Variants in DNAH9 observed in about 807,000 individuals in gnomAD.
DNAH9 encodes the protein DNAH9 variant protein.
DNAH9 carries 345 observed loss-of-function variants against 471.6 expected under a neutral mutation model. That is an observed-to-expected ratio of 0.73 (90% confidence interval 0.67 to 0.80). The LOEUF is 0.80. Ranked by LOEUF, DNAH9 falls within the 30% of genes least tolerant of loss-of-function variation. The probability of loss-of-function intolerance (pLI) is 0.00; values close to 1 mark genes in which losing one functional copy is unlikely to be tolerated. For synonymous variants in DNAH9, 2,093 were observed against 2,123.6 expected (o/e 0.99, Z 0.40); for missense variants, 5,407 against 5,609.2 (o/e 0.96, Z 1.15).
chr17:11,762,781 T>G lies in DNAH9; in HGVS notation c.6996-659T>G, dbSNP rs1307139261. Among the ~76,000 whole-genome samples the G allele has an allele frequency of 7.7e-3, 1,007 of 131,608 alleles. 34 individuals carry two copies. The highest frequency in any genetic ancestry group is 0.026 in the African/African-American group (958 of 36,950). 86.3% of individuals were successfully genotyped at this position (131,608 alleles called of 152,430 possible). ...GCGTTTTTTTTTTTGTTTTTTTTTT[T>G]TTTTTTTTTTTTTTTTGAGATGGAG... On this transcript the variant is annotated intron_variant, in intron 35 of 68. Transcript: ENST00000262442.
chr17:11,963,534 A>G (rs1032120824), intron 68 of DNAH9, among the ~76,000 whole-genome samples: 1 of 151,622 alleles, frequency 6.6e-6, no homozygotes, highest in East Asian at 1.9e-4. Flanking sequence ...GGGGGTTAAT[A>G]AAAACTAACT....
chr17:11,693,479 A>G (rs9915278), intron 20 of DNAH9, among the ~76,000 whole-genome samples: 146,461 of 151,486 alleles, frequency 0.97, 70,861 homozygotes, highest in Non-Finnish European at 0.99. Context: ...GGCTGGTCTC[A>G]AACTCCTGGC....
At chr17:11,740,043 C>T (rs2075409433) in intron 29 of DNAH9, among the ~76,000 whole-genome samples, 3 of 152,164 alleles carry the variant, frequency 2.0e-5, no homozygotes, top group Non-Finnish European at 2.9e-5. Context: ...ATTCCCGTGT[C>T]GCTGGGGTGA....
chr17:11,620,454 G>T (rs1163636335), intron 6 of DNAH9, among the ~76,000 whole-genome samples: 2 of 148,150 alleles, frequency 1.3e-5, no homozygotes, highest in Non-Finnish European at 3.0e-5. Flanking sequence ...AGAGGTTTCA[G>T]TGAGCCACGA....
intron 3 of DNAH9, 34 bp from the exon 4 acceptor site, chr17:11,611,616 T>C (rs548320316): frequency 6.2e-7 from 1 of 1,607,194 alleles, no homozygotes; most frequent in South Asian, 1.1e-5. Flanking sequence ...TTCCTGATGC[T>C]TCCCTGGATT....
At chr17:11,618,598 A>G (rs1022594543) in intron 5 of DNAH9, among the ~76,000 whole-genome samples, 1 of 151,134 alleles carries the variant, frequency 6.6e-6, no homozygotes, top group African/African-American at 2.4e-5. Flanking sequence ...AAAAAAAAAA[A>G]GAACTAGAGG....
intron 39 of DNAH9, among the ~76,000 whole-genome samples, chr17:11,781,835 AAAAAAAAACAAAC>A (rs1277920106): frequency 3.4e-5 from 5 of 144,948 alleles, no homozygotes; most frequent in East Asian, 2.0e-4. Context: ...CCATCTTAAA[AAAAAAAAACAAAC>A]AAAAAAAAAA....
At chr17:11,930,765 C>CAAAA (rs11371438) in intron 63 of DNAH9, among the ~76,000 whole-genome samples, 7 of 125,212 alleles carry the variant, frequency 5.6e-5, no homozygotes, top group Admixed American at 3.4e-4. Flanking sequence ...ACTCCATCTC[C>CAAAA]AAAAAAAAAA....
chr17:11,611,708 G>A lies in DNAH9; in HGVS notation c.832G>A (p.Ala278Thr). Residue 278 changes from alanine (A) to threonine (T), a missense_variant, in exon 4 of 69, where the codon GCC (alanine) becomes ACC (threonine). Physicochemically the swap from Ala to Thr is moderately conservative, Grantham distance 58 (BLOSUM62 0). Coordinates refer to ENST00000262442, the MANE Select transcript of DNAH9 (RefSeq NM_001372.4). Reference sequence around the variant, plus strand: ...GAGAACAATAACGGTGAGGGGCATGGCCAAGCTCCTGGACAAGCTTCAGAG... The same window carrying A: ...GAGAACAATAACGGTGAGGGGCATGACCAAGCTCCTGGACAAGCTTCAGAG... ...QLRTITVRGM[A>T]KLLDKLQSSY... The A allele has an allele frequency of 6.2e-7, 1 of 1,613,856 alleles. No individual in the cohort carries two copies. The highest frequency in any genetic ancestry group is 8.5e-7 in the Non-Finnish European group (1 of 1,179,694).
intron 49 of DNAH9, among the ~76,000 whole-genome samples, chr17:11,845,777 T>C (rs1971200990): frequency 1.4e-5 from 2 of 140,168 alleles, no homozygotes; most frequent in African/African-American, 5.6e-5. Flanking sequence ...CATTTTTTCA[T>C]GTGTTTTTTG....
At chr17:11,642,579 A>G (rs2073297269) in intron 10 of DNAH9, among the ~76,000 whole-genome samples, 1 of 152,198 alleles carries the variant, frequency 6.6e-6, no homozygotes, top group South Asian at 2.1e-4. Flanking sequence ...CTATTCTATA[A>G]TAGGTATTGA....
intron 35 of DNAH9, among the ~76,000 whole-genome samples, chr17:11,762,788 T>A: frequency 8.2e-6 from 1 of 121,232 alleles, no homozygotes; most frequent in South Asian, 2.8e-4. Context: ...TTTTTTTTTT[T>A]TTTTTTTTTG....
At chr17:11,672,170 CA>C (rs764959173) in intron 17 of DNAH9, among the ~76,000 whole-genome samples, 2 of 152,184 alleles carry the variant, frequency 1.3e-5, no homozygotes, top group Non-Finnish European at 2.9e-5. Context: ...CATTCACTGC[CA>C]GAAGTCCAAC....
At chr17:11,891,292 A>G (rs1242569129) in intron 57 of DNAH9, among the ~76,000 whole-genome samples, 1 of 152,190 alleles carries the variant, frequency 6.6e-6, no homozygotes, top group Non-Finnish European at 1.5e-5. Context: ...AACTAACAAA[A>G]GATAATAGCA....
intron 44 of DNAH9, among the ~76,000 whole-genome samples, chr17:11,809,557 A>G (rs1384075615): frequency 6.6e-6 from 1 of 152,032 alleles, no homozygotes; most frequent in Non-Finnish European, 1.5e-5. Flanking sequence ...ACAGAGCGAG[A>G]ATCCATCTCA....
Position 11,818,428 on chromosome 17 carries a change from T to TTTTAAA in DNAH9, c.8708-3492_8708-3491insTTTAAA, listed in dbSNP as rs1038528871. Among the ~76,000 whole-genome samples the TTTTAAA allele has an allele frequency of 7.9e-4, 111 of 139,950 alleles. 1 individual carries two copies. Among genetic ancestry groups the TTTTAAA allele is most frequent in the African/African-American group, 2.8e-3 (108 of 38,298 alleles). The allele number at this position is 139,950 out of a possible 152,430, so 91.8% of individuals were successfully genotyped here. A position where few individuals can be genotyped will look rare whatever the true frequency, so the allele number is the denominator to read the frequency against. On this transcript the variant is annotated intron_variant, in intron 45 of 68. Coordinates refer to ENST00000262442, the MANE Select transcript of DNAH9 (RefSeq NM_001372.4). The stretch of plus-strand genomic sequence containing the variant: ...TGGTGACAGAGCAAGACTCCGTATT[T>TTTTAAA]AAAAAAAAAAAAAAGAAGAGAAAAG...
At chr17:11,853,492 G>A (rs1971508161) in intron 49 of DNAH9, among the ~76,000 whole-genome samples, 1 of 152,140 alleles carries the variant, frequency 6.6e-6, no homozygotes, top group African/African-American at 2.4e-5. Context: ...GCTGTGCCTT[G>A]TTTCTGTCTG....
At chr17:11,637,868 G>C (rs1165232654) in intron 9 of DNAH9, among the ~76,000 whole-genome samples, 1 of 152,134 alleles carries the variant, frequency 6.6e-6, no homozygotes, top group East Asian at 1.9e-4. Context: ...GATGCATCGT[G>C]AGTGGGAGAT....
At chr17:11,826,258 T>C (rs1333943463) in intron 48 of DNAH9, among the ~76,000 whole-genome samples, 1 of 152,108 alleles carries the variant, frequency 6.6e-6, no homozygotes, top group African/African-American at 2.4e-5. Flanking sequence ...CTCATTGGCA[T>C]CAGATTCAGT....
Sources: allele counts gnomAD v4.1 joint callset (sites outside exome capture counted in the v4.1 genomes callset), GRCh38; gene constraint gnomAD v4.1.1; transcripts MANE v1.5; gene names NCBI Gene and HGNC (gene_info 2026-07-23, HGNC 2026-07-21).